The following ITPR2 variants were observed in gnomAD, a reference collection of about 807,000 sequenced individuals.
ITPR2 encodes the protein inositol 1,4,5-trisphosphate-gated calcium channel ITPR2.
In ITPR2, 207 loss-of-function variants were observed where a neutral mutation model predicts 317.1. The ratio of observed to expected loss-of-function variants is 0.65; its 90% CI spans 0.58 to 0.73. The LOEUF (loss-of-function observed/expected upper bound fraction) is 0.73, where lower values mean the gene tolerates loss of function less well. ITPR2 is among the 30% of genes least tolerant of loss of function. The probability of loss-of-function intolerance (pLI) is 0.00; values close to 1 mark genes in which losing one functional copy is unlikely to be tolerated. For synonymous variants in ITPR2, 1,156 were observed against 1,149.1 expected, an observed-to-expected ratio of 1.01 and a Z score of -0.12; for missense variants, 2,613 against 3,284.0, an observed-to-expected ratio of 0.80 and a Z score of 4.99.
intron 55 of ITPR2, among the ~76,000 whole-genome samples, chr12:26,372,941 G>C (rs369419542): frequency 7.0e-4 from 106 of 152,258 alleles, no homozygotes; most frequent in African/African-American, 2.5e-3. Flanking sequence ...CTCTTAGAGG[G>C]TCTGGATCCA....
In ITPR2 at chr12:26,655,738, C is replaced by T. The variant is rs1947356847; in HGVS notation, c.2559G>A (p.Gly853=). 1 of 1,612,264 alleles carries T rather than the reference C, an allele frequency of 6.2e-7. No homozygotes were observed. Among genetic ancestry groups the T allele is most frequent in the Admixed American group, 1.7e-5 (1 of 59,846 alleles). ...KEVVNQPFPF[G]DKEKNKLTFE... ...ATGTCAGTTTATTTTTTTCTTTATCCCCAAAAGGAAAGGGCTGGTTTACAA... is the reference window on the plus strand; with the variant it reads ...ATGTCAGTTTATTTTTTTCTTTATCTCCAAAAGGAAAGGGCTGGTTTACAA... The change falls in exon 20 of 57, where the codon GGG becomes GGA. Residue 853 remains glycine (G), a synonymous_variant. Transcript: ENST00000381340.
chr12:26,403,147 T>G (rs1371140063), intron 52 of ITPR2, among the ~76,000 whole-genome samples: 1 of 152,084 alleles, frequency 6.6e-6, no homozygotes, highest in Admixed American at 6.6e-5. Flanking sequence ...AGGGAAGACA[T>G]TCCAGGCAGA....
At chr12:26,582,728 CAG>C (rs980124030) in intron 32 of ITPR2, among the ~76,000 whole-genome samples, 4 of 152,142 alleles carry the variant, frequency 2.6e-5, no homozygotes, top group Non-Finnish European at 5.9e-5. Flanking sequence ...GGTATGTAGA[CAG>C]TTTTATACTG....
intron 2 of ITPR2, among the ~76,000 whole-genome samples, chr12:26,740,028 C>T (rs981879826): frequency 1.3e-5 from 2 of 152,146 alleles, no homozygotes; most frequent in Non-Finnish European, 2.9e-5. Context: ...TTGACTTCCC[C>T]GCACACGGCA....
intron 15 of ITPR2, among the ~76,000 whole-genome samples, chr12:26,662,242 G>T (rs1028087486): frequency 2.6e-5 from 4 of 152,180 alleles, no homozygotes; most frequent in Non-Finnish European, 5.9e-5. Context: ...ATGCAATAGT[G>T]TGATGATTCA....
At chr12:26,709,736 G>A (rs755939907) in intron 9 of ITPR2, among the ~76,000 whole-genome samples, 16 of 152,074 alleles carry the variant, frequency 1.1e-4, no homozygotes, top group Non-Finnish European at 2.2e-4. Context: ...ATCTTTTATA[G>A]GATATCTAGT....
chr12:26,665,866 T>C, intron 14 of ITPR2, 44 bp downstream of exon 14: 1 of 1,545,098 alleles, frequency 6.5e-7, no homozygotes, highest in Admixed American at 1.8e-5. Flanking sequence ...GATACTGTAA[T>C]TCAGAAAATA....
chr12:26,589,970 T>G, intron 32 of ITPR2, among the ~76,000 whole-genome samples: 1 of 151,102 alleles, frequency 6.6e-6, no homozygotes, highest in Non-Finnish European at 1.5e-5. Flanking sequence ...CTGAATGTCA[T>G]ACCTTTCAAC....
chr12:26,652,366 G>C (rs145097268), intron 21 of ITPR2, among the ~76,000 whole-genome samples: 1 of 152,358 alleles, frequency 6.6e-6, no homozygotes, highest in East Asian at 1.9e-4. Flanking sequence ...AAAAGGAATT[G>C]AGATTTGGGC....
chr12:26,724,233 T>C (rs1056280347), intron 4 of ITPR2, among the ~76,000 whole-genome samples: 3 of 152,156 alleles, frequency 2.0e-5, no homozygotes, highest in African/African-American at 7.2e-5. Context: ...TGCATACTAA[T>C]AGAAATAGAA....
At chr12:26,374,398 G>A (rs750104200) in intron 55 of ITPR2, among the ~76,000 whole-genome samples, 6 of 152,210 alleles carry the variant, frequency 3.9e-5, no homozygotes, top group Non-Finnish European at 7.3e-5. Flanking sequence ...AGATGTGGGC[G>A]CAGCATCTAG....
intron 44 of ITPR2, 111 bp from the exon 45 acceptor site, chr12:26,475,529 G>C (rs1942397748): frequency 1.8e-6 from 2 of 1,120,496 alleles, no homozygotes; most frequent in South Asian, 3.3e-5. Context: ...AGTATAAAAG[G>C]ACTCTAAATG....
intron 10 of ITPR2, among the ~76,000 whole-genome samples, chr12:26,693,985 C>T (rs568220153): frequency 6.6e-6 from 1 of 152,006 alleles, no homozygotes. Context: ...CTCACTTGTC[C>T]AAGGCCACAC....
In ITPR2 at chr12:26,730,372, T is replaced by G. The variant is rs369993989; in HGVS notation, c.164-4607A>C. 8.5e-5 allele frequency among the ~76,000 whole-genome samples: 13 copies of G among 152,308 alleles called. No homozygotes were observed. In the East Asian group the frequency reaches 1.3e-3, roughly 16 times the overall value. ...AAACTCTCTAGTATTCCTTGATCTG[T>G]AGAGGTGTAATACTGTTAAGAAAAA... On this transcript the variant is annotated intron_variant, in intron 2 of 56. Transcript: ENST00000381340.
chr12:26,807,888 A>C (rs16931366), intron 1 of ITPR2, among the ~76,000 whole-genome samples: 24,453 of 152,122 alleles, frequency 0.16, 2,409 homozygotes, highest in East Asian at 0.47. Context: ...CAACTCTTAA[A>C]CATGGCATGA....
chr12:26,662,908 T>C (rs913272120), intron 15 of ITPR2, among the ~76,000 whole-genome samples: 3 of 152,102 alleles, frequency 2.0e-5, no homozygotes, highest in Non-Finnish European at 4.4e-5. Flanking sequence ...TGGCCTTGAG[T>C]AATCCCCCCA....
chr12:26,387,344 T>G, intron 55 of ITPR2, 90 bp downstream of exon 55: 1 of 1,211,028 alleles, frequency 8.3e-7, no homozygotes, highest in South Asian at 1.4e-5. Context: ...ATTGCTACAA[T>G]CTTCATATTT....
chr12:26,667,494 C>T lies in ITPR2; in HGVS notation c.1410-1443G>A, dbSNP rs116887637. 5.1e-4 allele frequency among the ~76,000 whole-genome samples: 78 copies of T among 152,274 alleles called. 1 individual carries two copies. The East Asian group carries it at 0.014, about 27-fold the overall frequency. On this transcript the variant is annotated intron_variant, in intron 13 of 56. Transcript: ENST00000381340. ...CTGACAGGATTCACTGACATAGTTA[C>T]GTGTAATCTCTGAAGGCAGCCACAG...
At chr12:26,703,605 G>C (rs1948495497) in intron 9 of ITPR2, among the ~76,000 whole-genome samples, 2 of 152,156 alleles carry the variant, frequency 1.3e-5, no homozygotes, top group South Asian at 4.1e-4. Context: ...AATGTCTCTA[G>C]ACATTGCCAT....
Sources: allele counts gnomAD v4.1 joint callset (sites outside exome capture counted in the v4.1 genomes callset), GRCh38; gene constraint gnomAD v4.1.1; transcripts MANE v1.5; gene names NCBI Gene and HGNC (gene_info 2026-07-23, HGNC 2026-07-21).